The following ASRGL1 variants were observed in gnomAD, a reference collection of about 807,000 sequenced individuals.
ASRGL1 encodes the protein asparaginase and isoaspartyl peptidase 1, also known as isoaspartyl peptidase/L-asparaginase.
ASRGL1 carries 16 observed loss-of-function variants against 22.4 expected under a neutral mutation model. That is an observed-to-expected ratio of 0.71 (90% CI 0.48 to 1.08). The LOEUF (loss-of-function observed/expected upper bound fraction) is 1.08, where lower values mean the gene tolerates loss of function less well. Among genes scored for constraint, ASRGL1 ranks in the 50% least tolerant of loss-of-function variants. The pLI is 0.00. For synonymous variants in ASRGL1, 165 were observed against 159.3 expected, an observed-to-expected ratio of 1.04 and a Z score of -0.27; for missense variants, 412 against 410.1, an observed-to-expected ratio of 1.00 and a Z score of -0.04.
At chr11:62,387,436 G>C (rs1323095396) in intron 4 of ASRGL1, among the ~76,000 whole-genome samples, 1 of 152,138 alleles carries the variant, frequency 6.6e-6, no homozygotes, top group Admixed American at 6.6e-5. Context: ...TAGTGTGTAT[G>C]GTCACCCCAC....
intron 5 of ASRGL1, among the ~76,000 whole-genome samples, chr11:62,390,777 GC>G (rs1328455492): frequency 6.6e-6 from 1 of 152,144 alleles, no homozygotes; most frequent in Non-Finnish European, 1.5e-5. Context: ...CTGAGTCCTT[GC>G]CCCATGTCCA....
chr11:62,371,659 G>A lies in ASRGL1; in HGVS notation c.491+14515G>A, dbSNP rs1282952529. 6.4e-6 allele frequency: 4 copies of A among 627,510 alleles called. No individual in the cohort carries two copies. The Admixed American group carries it at 7.4e-5, about 12-fold the overall frequency. The allele number at this position is 627,510 out of a possible 1,614,324, so 38.9% of individuals were successfully genotyped here. On this transcript the variant is annotated intron_variant, in intron 4 of 6. Coordinates refer to ENST00000415229, the MANE Select transcript of ASRGL1 (RefSeq NM_001083926.2). ...CTGGGACTTGATTGGTCGAAAATAA[G>A]TGCCTAAACAAGGCCAGGAGTGGTG...
chr11:62,399,553 C>T, the ASRGL1 span, among the ~76,000 whole-genome samples: 1 of 152,214 alleles, frequency 6.6e-6, no homozygotes, highest in East Asian at 1.9e-4. Flanking sequence ...TGTCTCTAAC[C>T]ACCATGGCTA....
At chr11:62,391,754 A>G in intron 6 of ASRGL1, 122 bp downstream of exon 6, 2 of 1,303,114 alleles carry the variant, frequency 1.5e-6, no homozygotes, top group South Asian at 3.0e-5. Flanking sequence ...TGTTGCTTTC[A>G]GGCCGTTAAC....
intron 4 of ASRGL1, among the ~76,000 whole-genome samples, chr11:62,381,335 T>C (rs1172740409): frequency 6.6e-6 from 1 of 152,186 alleles, no homozygotes; most frequent in African/African-American, 2.4e-5. Context: ...CTCCTGTAAT[T>C]GATTGTAGTC....
intron 2 of ASRGL1, among the ~76,000 whole-genome samples, chr11:62,353,480 C>A (rs1255576400): frequency 2.0e-5 from 3 of 151,196 alleles, no homozygotes; most frequent in Non-Finnish European, 4.4e-5. Context: ...AGTAGCTAGG[C>A]CTTTGGGTGT....
intron 2 of ASRGL1, among the ~76,000 whole-genome samples, chr11:62,339,588 G>C (rs1590698580): frequency 6.6e-6 from 1 of 152,084 alleles, no homozygotes; most frequent in Non-Finnish European, 1.5e-5. Flanking sequence ...TAAATGAGTT[G>C]ATCATGTAAC....
At chr11:62,400,541 C>T in the ASRGL1 span, among the ~76,000 whole-genome samples, 54 of 152,308 alleles carry the variant, frequency 3.5e-4, no homozygotes, top group Admixed American at 3.1e-3. Context: ...AAGGCTTGGG[C>T]ACTGGGCAGA....
At chr11:62,398,240 G>A (rs1319603534), downstream of ASRGL1, among the ~76,000 whole-genome samples, 2 of 151,952 alleles carry the variant, frequency 1.3e-5, no homozygotes, top group Admixed American at 6.6e-5. Context: ...AGCAGGTGGG[G>A]AGCAAGTCCA....
rs1458830477 is a variant in ASRGL1, at chr11:62,362,627, TAA to T, written c.491+5486_491+5487del. ...TATAAAATATATATTATATATTATA[TAA>T]AATATATATAATATATAATATATAT... On this transcript the variant is annotated intron_variant, in intron 4 of 6. Coordinates refer to ENST00000415229, the MANE Select transcript of ASRGL1 (RefSeq NM_001083926.2). Among the ~76,000 whole-genome samples the T allele has an allele frequency of 1.8e-3, 136 of 75,822 alleles. 5 individuals are homozygous for T. Among genetic ancestry groups the T allele is most frequent in the African/African-American group, 5.2e-3 (91 of 17,504 alleles). 49.7% of individuals were successfully genotyped at this position (75,822 alleles called of 152,430 possible).
At chr11:62,400,180 AG>A in the ASRGL1 span, among the ~76,000 whole-genome samples, 1,416 of 152,264 alleles carry the variant, frequency 9.3e-3, 27 homozygotes, top group African/African-American at 0.032. Context: ...CCAGGATATG[AG>A]GGGCTCCCCA....
intron 3 of ASRGL1, 62 bp from the exon 4 acceptor site, chr11:62,356,906 TTATTTCAACACAGTTGGAA>T: frequency 6.9e-7 from 1 of 1,451,652 alleles, no homozygotes; most frequent in Non-Finnish European, 9.2e-7. Flanking sequence ...AGAGAAGTAA[TTATTTCAACACAGTTGGAA>T]CAGTTAAAAA....
chr11:62,343,919 T>C (rs1245408002), intron 2 of ASRGL1, among the ~76,000 whole-genome samples: 4 of 40,682 alleles, frequency 9.8e-5, no homozygotes, highest in East Asian at 1.2e-3. Context: ...CATGCATTTC[T>C]TTTTTTTTTT....
downstream of ASRGL1, chr11:62,393,440 A>T (rs1463140839): frequency 3.3e-5 from 5 of 152,176 alleles, no homozygotes; most frequent in Non-Finnish European, 5.9e-5. Context: ...GTCACTGTTG[A>T]CAAAGACCAG....
chr11:62,369,292 C>T (rs1046640551), intron 4 of ASRGL1, among the ~76,000 whole-genome samples: 2 of 152,152 alleles, frequency 1.3e-5, no homozygotes, highest in East Asian at 3.9e-4. Flanking sequence ...CTTGAGTCAA[C>T]ACAGCACATG....
At position 62,381,142 on chromosome 11, in the gene ASRGL1, A is replaced by G. The variant is rs184089816; in HGVS notation, c.492-7991A>G. Among the ~76,000 whole-genome samples the G allele has an allele frequency of 9.8e-3, 1,487 of 152,230 alleles. 32 individuals carry two copies. Among genetic ancestry groups the G allele is most frequent in the African/African-American group, 0.031 (1,296 of 41,504 alleles). ...ATACTGTATTTGGATTGGCGTTGCCATGACAGAGACTCTCTATTTGATATT... is the reference window on the plus strand; with the variant it reads ...ATACTGTATTTGGATTGGCGTTGCCGTGACAGAGACTCTCTATTTGATATT... On this transcript the variant is annotated intron_variant, in intron 4 of 6. Transcript: ENST00000415229.
intron 4 of ASRGL1, among the ~76,000 whole-genome samples, chr11:62,374,753 A>G (rs1946868825): frequency 6.6e-6 from 1 of 152,106 alleles, no homozygotes; most frequent in Non-Finnish European, 1.5e-5. Context: ...GTCTGACGCC[A>G]CGCGCATCTC....
At chr11:62,398,071 G>A (rs1396117759), downstream of ASRGL1, among the ~76,000 whole-genome samples, 2 of 152,014 alleles carry the variant, frequency 1.3e-5, no homozygotes, top group Non-Finnish European at 2.9e-5. Context: ...CTGGGGGCCA[G>A]GCCGACCATT....
At chr11:62,369,158 C>T (rs528928033) in intron 4 of ASRGL1, among the ~76,000 whole-genome samples, 5 of 152,254 alleles carry the variant, frequency 3.3e-5, no homozygotes, top group African/African-American at 1.2e-4. Flanking sequence ...CTGTGGCTTT[C>T]CGCAGTGTAT....
Sources: gnomAD v4.1 joint callset for allele counts (sites outside exome capture counted in the v4.1 genomes callset) on GRCh38, gnomAD v4.1.1 for gene constraint, MANE v1.5 for transcripts, NCBI Gene and HGNC (gene_info 2026-07-23, HGNC 2026-07-21) for gene names.